UBE2K: variants seen among roughly 807,000 people sequenced by gnomAD.
UBE2K encodes ubiquitin-conjugating enzyme E2 K.
In UBE2K, 6 loss-of-function variants were observed where a neutral mutation model predicts 30.0. That is an observed-to-expected ratio of 0.20 (90% CI 0.11 to 0.39). UBE2K has a LOEUF of 0.39. UBE2K is among the 10% of genes least tolerant of loss of function. UBE2K has a pLI of 1.00. For missense variants in UBE2K, 61 were observed against 241.6 expected, an observed-to-expected ratio of 0.25 and a Z score of 4.96; for synonymous variants, 86 against 83.7, an observed-to-expected ratio of 1.03 and a Z score of -0.15.
intron 1 of UBE2K, among the ~76,000 whole-genome samples, chr4:39,724,979 T>G (rs1218625397): frequency 6.6e-6 from 1 of 152,238 alleles, no homozygotes; most frequent in Non-Finnish European, 1.5e-5. Flanking sequence ...TAGAGACTTC[T>G]TAAATAAGAT....
At chr4:39,698,901 T>C (rs897811566) in intron 1 of UBE2K, among the ~76,000 whole-genome samples, 1 of 152,142 alleles carries the variant, frequency 6.6e-6, no homozygotes, top group African/African-American at 2.4e-5. Context: ...TAGGTATTGA[T>C]TAAAAAGGAA....
intron 4 of UBE2K, among the ~76,000 whole-genome samples, chr4:39,769,213 G>GTTTTTTTTTTTTTTCGTTTTTTTTT (rs1712566882): frequency 1.6e-5 from 2 of 128,692 alleles, no homozygotes; most frequent in Non-Finnish European, 3.3e-5. Flanking sequence ...GTTTCTTTTT[G>GTTTTTTTTTTTTTTCGTTTTTTTTT]TTTTTTTTTT....
chr4:39,709,020 A>G (rs1287405575), intron 1 of UBE2K, among the ~76,000 whole-genome samples: 2 of 151,654 alleles, frequency 1.3e-5, no homozygotes, highest in Non-Finnish European at 2.9e-5. Flanking sequence ...TTAGCTTAGT[A>G]ATTAAGGGCG....
rs770033565 is a variant in UBE2K at position 39,774,521 on chromosome 4, G to A, written c.300-313G>A. On this transcript the variant is annotated intron_variant, in intron 4 of 6. Transcript: ENST00000261427. ...TCAGCTACTCTGAAGGCTGAGGCAG[G>A]AGAATGGCGTGAACCCGGGAGGCGG... Among the ~76,000 whole-genome samples, 34 of 151,934 alleles carry A rather than the reference G, an allele frequency of 2.2e-4. 1 individual carries two copies. Among genetic ancestry groups the A allele is most frequent in the Non-Finnish European group, 3.8e-4 (26 of 68,020 alleles).
chr4:39,721,878 C>G (rs982165435), intron 1 of UBE2K, among the ~76,000 whole-genome samples: 7 of 151,900 alleles, frequency 4.6e-5, no homozygotes, highest in African/African-American at 1.7e-4. Flanking sequence ...AAGTTGAGCC[C>G]AGGAGTTTGA....
At chr4:39,774,315 GAAAA>G (rs980616621) in intron 4 of UBE2K, among the ~76,000 whole-genome samples, 1 of 150,208 alleles carries the variant, frequency 6.7e-6, no homozygotes, top group African/African-American at 2.5e-5. Flanking sequence ...TTAAAAAAAA[GAAAA>G]AAGGCCGGGC....
At chr4:39,707,646 C>T (rs543337509) in intron 1 of UBE2K, among the ~76,000 whole-genome samples, 2 of 151,428 alleles carry the variant, frequency 1.3e-5, no homozygotes, top group African/African-American at 2.4e-5. Flanking sequence ...CTCAGCCTCC[C>T]GAGTAGCTGG....
intron 4 of UBE2K, chr4:39,771,505 C>A (rs2109405573): frequency 6.9e-7 from 1 of 1,448,686 alleles, no homozygotes; most frequent in South Asian, 1.4e-5. Flanking sequence ...ATTTTCCCCA[C>A]CCCCGCGGGG....
chr4:39,740,735 C>G (rs536283200), intron 2 of UBE2K, among the ~76,000 whole-genome samples: 2 of 150,148 alleles, frequency 1.3e-5, no homozygotes, highest in African/African-American at 4.9e-5. Flanking sequence ...TGATGGTGGG[C>G]GCCTGTAGTC....
chr4:39,753,476 TC>T lies in UBE2K; in HGVS notation c.217-2179del, dbSNP rs756738341. ...GCCGTAATATTAAGTGCACATTCAT[TC>T]CATGTGAGTCGCTTACATCTGGAGA... is the stretch of plus-strand genomic sequence containing the variant. On this transcript the variant is annotated intron_variant, in intron 3 of 6. Transcript: ENST00000261427. Among the ~76,000 whole-genome samples, 63 of 152,224 alleles carry T rather than the reference TC, an allele frequency of 4.1e-4. 1 individual carries two copies. Among genetic ancestry groups the T allele is most frequent in the Admixed American group, 7.9e-4 (12 of 15,278 alleles).
intron 3 of UBE2K, among the ~76,000 whole-genome samples, chr4:39,748,768 T>C (rs886923762): frequency 6.6e-6 from 1 of 152,178 alleles, no homozygotes; most frequent in African/African-American, 2.4e-5. Context: ...ATAGTTGCAG[T>C]TTAGTGTTCT....
At chr4:39,745,959 T>C in intron 3 of UBE2K, 149 bp downstream of exon 3, 1 of 578,780 alleles carries the variant, frequency 1.7e-6, no homozygotes, top group Admixed American at 4.1e-5. Context: ...TTTTAGATAA[T>C]GGCAGGTGGC....
At chr4:39,720,363 T>C (rs1719352210) in intron 1 of UBE2K, among the ~76,000 whole-genome samples, 1 of 152,094 alleles carries the variant, frequency 6.6e-6, no homozygotes, top group Admixed American at 6.6e-5. Flanking sequence ...AAGATCTCAC[T>C]GGCATCTATT....
intron 3 of UBE2K, among the ~76,000 whole-genome samples, chr4:39,748,688 C>T (rs1721105581): frequency 6.6e-6 from 1 of 151,646 alleles, no homozygotes; most frequent in East Asian, 1.9e-4. Context: ...TTGGAGGTAG[C>T]TTTGACATTT....
chr4:39,731,182 G>A (rs1009096697), intron 1 of UBE2K, among the ~76,000 whole-genome samples: 33 of 151,842 alleles, frequency 2.2e-4, no homozygotes, highest in African/African-American at 7.5e-4. Flanking sequence ...CATGAGCCAC[G>A]GCGCCCGGCC....
At chr4:39,774,430 AC>A (rs560560438) in intron 4 of UBE2K, among the ~76,000 whole-genome samples, 160 of 151,100 alleles carry the variant, frequency 1.1e-3, no homozygotes, top group African/African-American at 3.7e-3. Context: ...ACACTGTGAA[AC>A]CCCGTCTCTA....
intron 1 of UBE2K, among the ~76,000 whole-genome samples, chr4:39,703,879 T>C (rs567651726): frequency 6.6e-6 from 1 of 150,832 alleles, no homozygotes; most frequent in East Asian, 2.0e-4. Context: ...CTTTGAGACT[T>C]AACTGTATCA....
At position 39,735,673 on chromosome 4, in the gene UBE2K, G is replaced by A. The variant is rs571320976; in HGVS notation, c.64-1747G>A. Among the ~76,000 whole-genome samples the A allele has an allele frequency of 1.5e-4, 23 of 152,208 alleles. No individual in the cohort carries two copies. In the South Asian group the frequency reaches 3.5e-3, roughly 23 times the overall value. On this transcript the variant is annotated intron_variant, in intron 1 of 6. Coordinates refer to ENST00000261427, the MANE Select transcript of UBE2K (RefSeq NM_005339.5). ...TGGGATTACAGGCATGAGCCACCGC[G>A]CCCGGCCATCAGAGTAGTTTTACTG... is the stretch of plus-strand genomic sequence containing the variant.
At chr4:39,764,842 TAG>T (rs1478054867) in intron 4 of UBE2K, among the ~76,000 whole-genome samples, 2 of 151,880 alleles carry the variant, frequency 1.3e-5, no homozygotes, top group African/African-American at 4.8e-5. Context: ...ATAGAGGAAA[TAG>T]ACAGTATTTA....
Sources: allele counts gnomAD v4.1 joint callset (sites outside exome capture counted in the v4.1 genomes callset), GRCh38; gene constraint gnomAD v4.1.1; transcripts MANE v1.5; gene names NCBI Gene and HGNC (gene_info 2026-07-23, HGNC 2026-07-21).